FAM3D: variants seen among roughly 807,000 people sequenced by gnomAD.
FAM3D encodes protein FAM3D.
Under a neutral mutation model 29.8 loss-of-function variants are expected in FAM3D, and 26 were observed. The ratio of observed to expected loss-of-function variants is 0.87; its 90% CI spans 0.64 to 1.21. FAM3D has a LOEUF of 1.21. FAM3D is among the 50% of genes most tolerant of loss of function. FAM3D has a pLI of 0.00. For missense variants in FAM3D, 253 were observed against 290.9 expected, an observed-to-expected ratio of 0.87 and a Z score of 0.95; for synonymous variants, 115 against 102.3, an observed-to-expected ratio of 1.12 and a Z score of -0.75.
intron 7 of FAM3D, among the ~76,000 whole-genome samples, chr3:58,638,263 T>C (rs1049587446): frequency 2.6e-5 from 4 of 152,222 alleles, no homozygotes; most frequent in Admixed American, 2.6e-4. Flanking sequence ...AGTAATATAG[T>C]TTCCTTTTAA....
chr3:58,645,300 A>G (rs1373446842), intron 5 of FAM3D, among the ~76,000 whole-genome samples: 1 of 152,126 alleles, frequency 6.6e-6, no homozygotes, highest in African/African-American at 2.4e-5. Flanking sequence ...GGGGGAATGA[A>G]TGAGAGATGC....
intron 1 of FAM3D, among the ~76,000 whole-genome samples, chr3:58,656,186 G>A (rs2066792432): frequency 1.3e-5 from 2 of 152,184 alleles, no homozygotes; most frequent in Non-Finnish European, 2.9e-5. Flanking sequence ...ATTGTACCAA[G>A]ATAAAGAGTA....
intron 7 of FAM3D, among the ~76,000 whole-genome samples, chr3:58,639,056 T>C (rs1258919880): frequency 6.6e-6 from 1 of 152,234 alleles, no homozygotes; most frequent in African/African-American, 2.4e-5. Context: ...CTTCTGTTTC[T>C]GGGTCCCCAT....
At chr3:58,663,778 C>T (rs553963331) in intron 1 of FAM3D, among the ~76,000 whole-genome samples, 32 of 152,322 alleles carry the variant, frequency 2.1e-4, no homozygotes, top group African/African-American at 6.5e-4. Context: ...GTTGTACCTG[C>T]AGAAAGGTCC....
chr3:58,654,115 T>C (rs2066722399), intron 2 of FAM3D, among the ~76,000 whole-genome samples: 1 of 152,270 alleles, frequency 6.6e-6, no homozygotes, highest in African/African-American at 2.4e-5. Context: ...CTGTAGCCCC[T>C]TAAGGGGAGG....
At chr3:58,636,528 C>G in intron 8 of FAM3D, 108 bp from the exon 9 acceptor site, 1 of 1,491,980 alleles carries the variant, frequency 6.7e-7, no homozygotes, top group South Asian at 1.3e-5. Context: ...CATTCAGCAT[C>G]TGCCCTGGGG....
At chr3:58,645,411 C>T (rs1312057617) in intron 5 of FAM3D, 98 bp downstream of exon 5, 1 of 926,822 alleles carries the variant, frequency 1.1e-6, no homozygotes, top group Non-Finnish European at 1.5e-6. Flanking sequence ...GTGGGCTGGT[C>T]TCACAGGCCA....
chr3:58,635,108 G>A lies in FAM3D; in HGVS notation c.586-740C>T, dbSNP rs951852775. Among the ~76,000 whole-genome samples the A allele has an allele frequency of 1.3e-5, 2 of 152,270 alleles. No individual in the cohort carries two copies. The highest frequency in any genetic ancestry group is 2.9e-5 in the Non-Finnish European group (2 of 68,014). ...GAGGATCGCTTGAGCCCAGGAGGTC[G>A]AGGCTGCAGTGAGCCGAGATTGTGC... is the stretch of plus-strand genomic sequence containing the variant. On this transcript the variant is annotated intron_variant, in intron 9 of 9. Transcript: ENST00000358781. The surrounding 1 kb of genome is among the most constrained non-coding windows in gnomAD (Gnocchi z 5.2).
intron 4 of FAM3D, among the ~76,000 whole-genome samples, chr3:58,645,934 G>A (rs150851351): frequency 6.6e-6 from 1 of 152,192 alleles, no homozygotes; most frequent in African/African-American, 2.4e-5. Context: ...TCACTATGAC[G>A]AAGGGACTCT....
At chr3:58,650,623 C>T (rs2066608855) in intron 3 of FAM3D, among the ~76,000 whole-genome samples, 1 of 152,198 alleles carries the variant, frequency 6.6e-6, no homozygotes, top group Non-Finnish European at 1.5e-5. Flanking sequence ...GATTCAGCCA[C>T]ACCTGAAGCC....
At chr3:58,640,987 G>C (rs1250441005) in intron 6 of FAM3D, among the ~76,000 whole-genome samples, 2 of 152,216 alleles carry the variant, frequency 1.3e-5, no homozygotes, top group African/African-American at 2.4e-5. Flanking sequence ...GAACCCATGG[G>C]GCTGCTTTTG....
chr3:58,663,166 T>C (rs1386199819), intron 1 of FAM3D, among the ~76,000 whole-genome samples: 1 of 152,250 alleles, frequency 6.6e-6, no homozygotes, highest in African/African-American at 2.4e-5. Context: ...CCTGAAGTGC[T>C]GGGATTACAG....
intron 1 of FAM3D, chr3:58,657,543 T>G (rs2066842005): frequency 6.6e-6 from 1 of 152,390 alleles, no homozygotes; most frequent in Non-Finnish European, 1.5e-5. Flanking sequence ...GTTAGCCTCT[T>G]GCTGTCCTGT....
chr3:58,635,831 G>C lies in FAM3D; in HGVS notation c.585+463C>G, dbSNP rs531688100. 7.9e-4 allele frequency among the ~76,000 whole-genome samples: 120 copies of C among 152,244 alleles called. No homozygotes were observed. The highest frequency in any genetic ancestry group is 2.8e-3 in the African/African-American group (118 of 41,556). ...CGGTTCCCTGCACCTGCCCCCTCCA[G>C]CACCTCTTGTCTGATGATGGCATCG... On this transcript the variant is annotated intron_variant, in intron 9 of 9. Transcript: ENST00000358781. This position sits in a 1 kb window ranked among gnomAD's most constrained non-coding sequence, Gnocchi z 5.2.
intron 5 of FAM3D, 37 bp from the exon 6 acceptor site, chr3:58,643,757 C>T (rs776957082): frequency 1.5e-5 from 24 of 1,602,614 alleles, no homozygotes; most frequent in Non-Finnish European, 1.8e-5. Flanking sequence ...CAGTCGGTCC[C>T]GAGTGTGGAA....
chr3:58,652,051 A>G (rs967924646), intron 3 of FAM3D, among the ~76,000 whole-genome samples: 9 of 152,148 alleles, frequency 5.9e-5, no homozygotes. Context: ...GATGATGTCA[A>G]TGTACATGGT....
Position 58,635,390 on chromosome 3 carries a change from C to T in FAM3D, c.585+904G>A, listed in dbSNP as rs142453681. Reference sequence around the variant, plus strand: ...CCAAGTGTGAGGACTAAGAACAGACCGGCTTAGTCCCATTAGGGTGCTTGG... The same window carrying T: ...CCAAGTGTGAGGACTAAGAACAGACTGGCTTAGTCCCATTAGGGTGCTTGG... On this transcript the variant is annotated intron_variant, in intron 9 of 9. Coordinates refer to ENST00000358781, the MANE Select transcript of FAM3D (RefSeq NM_138805.3). The surrounding 1 kb of genome is among the most constrained non-coding windows in gnomAD (Gnocchi z 5.2). 3.0e-4 allele frequency among the ~76,000 whole-genome samples: 45 copies of T among 152,252 alleles called. No individual in the cohort carries two copies. The East Asian group carries it at 6.8e-3, about 23-fold the overall frequency.
At chr3:58,660,622 T>C (rs2066911357) in intron 1 of FAM3D, among the ~76,000 whole-genome samples, 1 of 152,186 alleles carries the variant, frequency 6.6e-6, no homozygotes, top group Non-Finnish European at 1.5e-5. Context: ...ATTTTATTTA[T>C]TGGTGTTAAT....
In FAM3D at chr3:58,655,588, G is replaced by A; in HGVS notation, c.-25C>T. On this transcript the variant is annotated 5_prime_UTR_variant, in exon 2 of 10. Coordinates refer to ENST00000358781, the MANE Select transcript of FAM3D (RefSeq NM_138805.3). ...TCCTGTCCAGGTGAAGGGTGGCTTG[G>A]GGTCAGCTTCCACCTATGGAGAGAA... 5 of 1,612,728 alleles carry A rather than the reference G, an allele frequency of 3.1e-6. No homozygotes were observed. The highest frequency in any genetic ancestry group is 4.2e-6 in the Non-Finnish European group (5 of 1,179,300).
Sources: gnomAD v4.1 joint callset for allele counts (sites outside exome capture counted in the v4.1 genomes callset) on GRCh38, gnomAD v4.1.1 for gene constraint, Gnocchi (gnomAD v3.1) non-coding constraint, MANE v1.5 for transcripts, NCBI Gene and HGNC (gene_info 2026-07-23, HGNC 2026-07-21) for gene names.